ROR1: variants seen among roughly 807,000 people sequenced by gnomAD.
The protein encoded by ROR1 is inactive tyrosine-protein kinase transmembrane receptor ROR1.
In ROR1, 19 loss-of-function variants were observed where a neutral mutation model predicts 78.8. The observed-to-expected ratio is 0.24, with a 90% CI of 0.17 to 0.35. The LOEUF is 0.35. Ranked by LOEUF, ROR1 falls within the 10% of genes least tolerant of loss-of-function variation. The pLI is 1.00. For missense variants in ROR1, 917 were observed against 1,177.8 expected (o/e 0.78, Z 3.24); for synonymous variants, 386 against 433.6 (o/e 0.89, Z 1.36).
At chr1:63,880,325 A>G (rs2100373074) in intron 1 of ROR1, among the ~76,000 whole-genome samples, 1 of 152,310 alleles carries the variant, frequency 6.6e-6, no homozygotes, top group East Asian at 1.9e-4. Flanking sequence ...GAAATGTCTA[A>G]TAGCCAAAAT....
At chr1:63,981,476 T>G (rs1375831940) in intron 1 of ROR1, among the ~76,000 whole-genome samples, 2 of 152,152 alleles carry the variant, frequency 1.3e-5, no homozygotes, top group African/African-American at 4.8e-5. Flanking sequence ...GTTTCCTTGA[T>G]GAGGTTGTTC....
At chr1:63,950,474 G>A (rs1324299434) in intron 1 of ROR1, among the ~76,000 whole-genome samples, 1 of 152,204 alleles carries the variant, frequency 6.6e-6, no homozygotes, top group Non-Finnish European at 1.5e-5. Flanking sequence ...GACCAGTGAG[G>A]ACGACCAGAG....
intron 2 of ROR1, among the ~76,000 whole-genome samples, chr1:64,034,485 T>G (rs1646685456): frequency 6.6e-6 from 1 of 152,182 alleles, no homozygotes; most frequent in African/African-American, 2.4e-5. Flanking sequence ...TTGGCACCTG[T>G]AAGTTTTTTA....
chr1:63,973,990 T>C (rs1166699760), intron 1 of ROR1, among the ~76,000 whole-genome samples: 1 of 152,166 alleles, frequency 6.6e-6, no homozygotes, highest in East Asian at 1.9e-4. Context: ...CATATAAAAC[T>C]CATATGTGTA....
At chr1:64,111,159 T>A (rs1451777606) in intron 4 of ROR1, 1 of 152,162 alleles carries the variant, frequency 6.6e-6, no homozygotes, top group Non-Finnish European at 1.5e-5. Flanking sequence ...GAAGAGCATG[T>A]TTTGCTTTTA....
At chr1:63,918,885 C>G (rs552701833) in intron 1 of ROR1, among the ~76,000 whole-genome samples, 1 of 151,984 alleles carries the variant, frequency 6.6e-6, no homozygotes, top group African/African-American at 2.4e-5. Context: ...GCTGTCTCCG[C>G]GAGACAATGA....
intron 7 of ROR1, among the ~76,000 whole-genome samples, chr1:64,156,087 T>A (rs1049116628): frequency 6.6e-6 from 1 of 152,212 alleles, no homozygotes; most frequent in African/African-American, 2.4e-5. Context: ...CCCAAAACTT[T>A]TACCTGTGAA....
Position 64,177,925 on chromosome 1 carries a change from T to G in ROR1, c.1884T>G (p.His628Gln). 1 of 1,614,232 alleles carries G rather than the reference T, an allele frequency of 6.2e-7. No individual in the cohort carries two copies. Residue 628 changes from histidine to glutamine, a missense_variant, in exon 9 of 9, where the codon CAT becomes CAG. Transcript: ENST00000371079. The stretch of plus-strand genomic sequence containing the variant: ...ATATTTTAATCGGAGAGCAACTTCA[T>G]GTAAAGATTTCAGACTTGGGGCTTT... Reference protein sequence around the residue: ...ARNILIGEQLHVKISDLGLSR... With the variant: ...ARNILIGEQLQVKISDLGLSR...
In ROR1 at chr1:64,089,358, T is replaced by A. The variant is rs968295105; in HGVS notation, c.482+38642T>A. Among the ~76,000 whole-genome samples the A allele has an allele frequency of 7.2e-5, 11 of 152,124 alleles. No homozygotes were observed. In the South Asian group the frequency reaches 8.3e-4, roughly 12 times the overall value. ...CCCAGTAGCTGGGACTACAGGCACATGCCACAATGCCCAGCTAATTTTTCG... is the reference window on the plus strand; with the variant it reads ...CCCAGTAGCTGGGACTACAGGCACAAGCCACAATGCCCAGCTAATTTTTCG... On this transcript the variant is annotated intron_variant, in intron 4 of 8. Transcript: ENST00000371079.
At chr1:63,983,061 A>G (rs887963532) in intron 1 of ROR1, among the ~76,000 whole-genome samples, 3 of 152,336 alleles carry the variant, frequency 2.0e-5, no homozygotes, top group South Asian at 2.1e-4. Context: ...AATATTTGCA[A>G]ACAACATAAG....
At position 64,140,358 on chromosome 1, in the gene ROR1, A is replaced by G. The variant is rs773595083; in HGVS notation, c.860A>G (p.Gln287Arg). Residue 287 changes from glutamine to arginine, a missense_variant, in exon 6 of 9, where the codon CAG becomes CGG. Transcript: ENST00000371079. ...CTGCCAAACTGTGAAGATCTCCCCC[A>G]GCCAGAGAGCCCAGAAGCTGCGAAC... is the stretch of plus-strand genomic sequence containing the variant. ...LKLPNCEDLPQPESPEAANCI... is the reference protein window; with the variant it reads ...LKLPNCEDLPRPESPEAANCI... 2.5e-6 allele frequency: 4 copies of G among 1,613,614 alleles called. No individual in the cohort carries two copies. The highest frequency in any genetic ancestry group is 3.4e-6 in the Non-Finnish European group (4 of 1,179,860).
At chr1:64,007,646 A>T (rs11208332) in intron 1 of ROR1, among the ~76,000 whole-genome samples, 1 of 152,112 alleles carries the variant, frequency 6.6e-6, no homozygotes, top group African/African-American at 2.4e-5. Flanking sequence ...TGAAAATTAT[A>T]TTTTAAGTTA....
rs563909421 is a variant in ROR1, at chr1:63,916,488, A to G, written c.92-92817A>G. On this transcript the variant is annotated intron_variant, in intron 1 of 8. Transcript: ENST00000371079. ...CCATGCTTCACAAATACAAGATTGA[A>G]TGAGTTTCATGTTTAATGTAAATAC... Among the ~76,000 whole-genome samples the G allele has an allele frequency of 3.5e-4, 53 of 152,340 alleles. 2 individuals carry two copies. In the South Asian group the frequency reaches 0.01, roughly 30 times the overall value.
At chr1:63,865,266 A>T (rs149663816) in intron 1 of ROR1, among the ~76,000 whole-genome samples, 493 of 152,324 alleles carry the variant, frequency 3.2e-3, no homozygotes, top group Non-Finnish European at 5.5e-3. Flanking sequence ...GGTCACACAT[A>T]TCACAGTGGT....
intron 1 of ROR1, among the ~76,000 whole-genome samples, chr1:63,815,843 C>G (rs1241674997): frequency 2.0e-5 from 3 of 151,998 alleles, no homozygotes; most frequent in African/African-American, 7.3e-5. Flanking sequence ...TGACACAGTC[C>G]TGGGGTGGGG....
intron 2 of ROR1, among the ~76,000 whole-genome samples, chr1:64,014,689 C>A (rs1570060006): frequency 9.0e-6 from 1 of 111,688 alleles, no homozygotes; most frequent in Non-Finnish European, 1.8e-5. Flanking sequence ...TTTCCAACTG[C>A]AAATAGTTCT....
rs1569898209 is a variant in ROR1, at chr1:64,180,470, G to A, written c.*1615G>A. 1 of 152,258 alleles carries A rather than the reference G, an allele frequency of 6.6e-6. No homozygotes were observed. The highest frequency in any genetic ancestry group is 2.4e-5 in the African/African-American group (1 of 41,552). 9.4% of individuals were successfully genotyped at this position (152,258 alleles called of 1,614,324 possible). On this transcript the variant is annotated 3_prime_UTR_variant, in exon 9 of 9. Transcript: ENST00000371079. ...CTAGCATGAGAAATCAAGAAAATAT[G>A]TTTACCAAAATGCATTGCAATTTTC...
chr1:64,053,862 A>G (rs1646852756), intron 4 of ROR1, among the ~76,000 whole-genome samples: 2 of 152,216 alleles, frequency 1.3e-5, no homozygotes, highest in South Asian at 2.1e-4. Flanking sequence ...GAAAATGACT[A>G]CCTAAGTTGT....
intron 1 of ROR1, among the ~76,000 whole-genome samples, chr1:63,806,597 G>C (rs533494642): frequency 3.1e-4 from 47 of 152,316 alleles, no homozygotes; most frequent in African/African-American, 9.9e-4. Flanking sequence ...GATTACAGGC[G>C]TGAGCCACCG....
Sources: gnomAD v4.1 joint callset for allele counts (sites outside exome capture counted in the v4.1 genomes callset) on GRCh38, gnomAD v4.1.1 for gene constraint, MANE v1.5 for transcripts, NCBI Gene and HGNC (gene_info 2026-07-23, HGNC 2026-07-21) for gene names.